Variants in POLK observed in about 807,000 individuals in gnomAD.
The protein encoded by POLK is DNA polymerase kappa.
A neutral mutation model predicts 94.0 loss-of-function variants in POLK; 76 were observed. The observed-to-expected ratio is 0.81, with a 90% CI of 0.67 to 0.98. The LOEUF (loss-of-function observed/expected upper bound fraction) is 0.98, where lower values mean the gene tolerates loss of function less well. POLK is among the 50% of genes least tolerant of loss of function. The probability of loss-of-function intolerance (pLI) is 0.00; values close to 1 mark genes in which losing one functional copy is unlikely to be tolerated. For synonymous variants in POLK, 349 were observed against 325.4 expected (o/e 1.07, Z -0.78); for missense variants, 954 against 1,010.1 (o/e 0.94, Z 0.75).
chr5:75,568,190 A>G (rs1225829187), intron 3 of POLK, among the ~76,000 whole-genome samples: 5 of 152,156 alleles, frequency 3.3e-5, no homozygotes, highest in African/African-American at 7.2e-5. Flanking sequence ...TTAATGTTTT[A>G]TTATGCAGCT....
At chr5:75,577,281 CTTG>C (rs1344501804) in intron 6 of POLK, among the ~76,000 whole-genome samples, 1 of 152,098 alleles carries the variant, frequency 6.6e-6, no homozygotes, top group East Asian at 1.9e-4. Flanking sequence ...GCGGCCTTTT[CTTG>C]TTGTTAGAAA....
intron 2 of POLK, among the ~76,000 whole-genome samples, chr5:75,547,711 G>C (rs1351984329): frequency 6.6e-6 from 1 of 152,108 alleles, no homozygotes; most frequent in East Asian, 1.9e-4. Context: ...ACTACACATA[G>C]CACAAAAGAA....
chr5:75,544,713 C>G (rs1769925124), intron 1 of POLK, among the ~76,000 whole-genome samples: 1 of 152,108 alleles, frequency 6.6e-6, no homozygotes. Context: ...ATGGGCAAGA[C>G]AGCTTAAATG....
intron 12 of POLK, among the ~76,000 whole-genome samples, chr5:75,594,838 A>AT (rs1419458315): frequency 1.3e-5 from 2 of 152,256 alleles, no homozygotes; most frequent in Non-Finnish European, 2.9e-5. Flanking sequence ...ACTGGTTGAA[A>AT]GTATATATGT....
intron 1 of POLK, among the ~76,000 whole-genome samples, chr5:75,534,464 G>A (rs193250458): frequency 3.3e-5 from 5 of 152,132 alleles, no homozygotes; most frequent in Non-Finnish European, 7.4e-5. Context: ...ATTACCTCCT[G>A]TACTGTTTTA....
chr5:75,512,399 A>G (rs1768086286), intron 1 of POLK: 1 of 152,218 alleles, frequency 6.6e-6, no homozygotes, highest in Non-Finnish European at 1.5e-5. Flanking sequence ...TTTTTAAAGT[A>G]AAACAAGAAT....
At position 75,573,722 on chromosome 5, in the gene POLK, G is replaced by A. The variant is rs377596805; in HGVS notation, c.409-16G>A. 4.4e-6 allele frequency: 7 copies of A among 1,607,568 alleles called. No individual in the cohort carries two copies. The African/African-American group carries it at 9.4e-5, about 22-fold the overall frequency. On this transcript the variant is annotated splice_polypyrimidine_tract_variant and intron_variant, in intron 4 of 14. Transcript: ENST00000241436. ...AGGTTTGTGTATTTTTTTCCATGTG[G>A]TCAATTTTCTTTCAGTCTACTTCAA...
Position 75,596,467 on chromosome 5 carries a change from A to T in POLK, c.1774A>T (p.Ser592Cys), listed in dbSNP as rs1438034503. ...TAAATGTGAAGCCGTGAATAAACAA[A>T]GTTTCCAGACATCACAACCATTCCA... The change falls in exon 13 of 15, where the codon AGT becomes TGT. Residue 592 changes from serine to cysteine, a missense_variant. Ser to Cys is a moderately radical substitution (Grantham distance 112). Coordinates refer to ENST00000241436, the Ensembl canonical transcript of POLK. 3 of 1,613,886 alleles carry T rather than the reference A, an allele frequency of 1.9e-6. No individual in the cohort carries two copies. In the South Asian group the frequency reaches 3.3e-5, roughly 18 times the overall value.
chr5:75,532,245 C>A (rs1401784190), intron 1 of POLK, among the ~76,000 whole-genome samples: 1 of 152,194 alleles, frequency 6.6e-6, no homozygotes, highest in Admixed American at 6.5e-5. Flanking sequence ...CTCCCACCCT[C>A]CACCCTCAAG....
upstream of POLK, chr5:75,511,175 G>A (rs1405514243): frequency 9.3e-6 from 15 of 1,612,630 alleles, no homozygotes; most frequent in Non-Finnish European, 1.2e-5. Flanking sequence ...CCTCCTCCGA[G>A]CCCGACGAGT....
chr5:75,579,044 CA>C (rs548435411), intron 6 of POLK, among the ~76,000 whole-genome samples: 72 of 152,252 alleles, frequency 4.7e-4, no homozygotes, highest in African/African-American at 1.7e-3. Context: ...CCAGGCCTCA[CA>C]AAAAAGTAGA....
At chr5:75,518,163 C>T (rs907267388) in intron 1 of POLK, among the ~76,000 whole-genome samples, 4 of 152,020 alleles carry the variant, frequency 2.6e-5, no homozygotes, top group African/African-American at 9.7e-5. Context: ...AGTATTCCCT[C>T]TTTAATTTTT....
At chr5:75,569,611 G>T in intron 4 of POLK, 119 bp downstream of exon 4, 2 of 838,216 alleles carry the variant, frequency 2.4e-6, no homozygotes, top group East Asian at 2.6e-5. Flanking sequence ...TTTTCTGGGT[G>T]CCTTATATAT....
intron 1 of POLK, among the ~76,000 whole-genome samples, chr5:75,516,559 G>A (rs980042086): frequency 4.6e-5 from 7 of 152,180 alleles, no homozygotes; most frequent in Non-Finnish European, 1.0e-4. Flanking sequence ...CAGCTACTCA[G>A]GAGCCTGAGG....
exon 8 of POLK, chr5:75,583,374 G>C: frequency 6.2e-7 from 1 of 1,605,734 alleles, no homozygotes; most frequent in South Asian, 1.1e-5. Flanking sequence ...CTTCCCAATA[G>C]ACAAGCTGTG....
At chr5:75,583,855 AG>A (rs1007594751) in intron 8 of POLK, among the ~76,000 whole-genome samples, 4 of 152,118 alleles carry the variant, frequency 2.6e-5, no homozygotes, top group African/African-American at 7.2e-5. Flanking sequence ...ATTATCCCTC[AG>A]GGGTTCCAGA....
the POLK span, among the ~76,000 whole-genome samples, chr5:75,607,621 G>T: frequency 1.3e-5 from 2 of 152,150 alleles, no homozygotes; most frequent in African/African-American, 4.8e-5. Flanking sequence ...CTGAACATAA[G>T]GGTTGCACAG....
intron 1 of POLK, among the ~76,000 whole-genome samples, chr5:75,530,689 A>G (rs1769130885): frequency 6.6e-6 from 1 of 151,720 alleles, no homozygotes; most frequent in African/African-American, 2.4e-5. Context: ...ATTGTTATTA[A>G]TTTTATTTTT....
At chr5:75,604,830 G>A (rs1013638433), downstream of POLK, among the ~76,000 whole-genome samples, 2 of 152,124 alleles carry the variant, frequency 1.3e-5, no homozygotes, top group Non-Finnish European at 1.5e-5. Flanking sequence ...TATAATTAAG[G>A]ACTAATCGCT....
Sources: gnomAD v4.1 joint callset for allele counts (sites outside exome capture counted in the v4.1 genomes callset) on GRCh38, gnomAD v4.1.1 for gene constraint, MANE v1.5 for transcripts, NCBI Gene and HGNC (gene_info 2026-07-23, HGNC 2026-07-21) for gene names.